Variants in FASTKD2 observed in about 807,000 individuals in gnomAD.
FASTKD2 encodes FAST kinase domain-containing protein 2, mitochondrial.
In FASTKD2, 51 loss-of-function variants were observed where a neutral mutation model predicts 63.6. The ratio of observed to expected loss-of-function variants is 0.80; its 90% confidence interval spans 0.64 to 1.01. The LOEUF is 1.01. Ranked by LOEUF, FASTKD2 falls within the 50% of genes least tolerant of loss-of-function variation. The pLI is 0.00. For missense variants in FASTKD2, 786 were observed against 831.1 expected, an observed-to-expected ratio of 0.95 and a Z score of 0.67; for synonymous variants, 284 against 293.4, an observed-to-expected ratio of 0.97 and a Z score of 0.33.
intron 7 of FASTKD2, among the ~76,000 whole-genome samples, chr2:206,776,173 C>T (rs536257642): frequency 7.9e-5 from 12 of 151,182 alleles, no homozygotes; most frequent in African/African-American, 2.7e-4. Context: ...AAAAAGCAAT[C>T]CTGACAAGAA....
intron 7 of FASTKD2, among the ~76,000 whole-genome samples, chr2:206,779,761 A>T (rs1286095073): frequency 6.6e-6 from 1 of 152,202 alleles, no homozygotes; most frequent in East Asian, 1.9e-4. Context: ...GTAATTATTG[A>T]TAGAGAAGGA....
At chr2:206,782,832 G>A (rs1048482997) in intron 7 of FASTKD2, among the ~76,000 whole-genome samples, 1 of 152,136 alleles carries the variant, frequency 6.6e-6, no homozygotes, top group Non-Finnish European at 1.5e-5. Flanking sequence ...AGAATTAAAT[G>A]AGTTAATCTA....
intron 1 of FASTKD2, among the ~76,000 whole-genome samples, chr2:206,766,108 A>G (rs1458492891): frequency 4.0e-5 from 6 of 151,684 alleles, no homozygotes; most frequent in Non-Finnish European, 7.4e-5. Context: ...AAAAATACAA[A>G]AATTAGCCGG....
intron 6 of FASTKD2, among the ~76,000 whole-genome samples, 193 bp downstream of exon 6, chr2:206,772,513 A>G (rs1261070010): frequency 6.6e-6 from 1 of 152,246 alleles, no homozygotes; most frequent in African/African-American, 2.4e-5. Flanking sequence ...ATAGTCCCCA[A>G]CTTAGGATGG....
At chr2:206,785,907 TCA>T (rs1333250477) in intron 7 of FASTKD2, among the ~76,000 whole-genome samples, 3 of 152,288 alleles carry the variant, frequency 2.0e-5, no homozygotes, top group African/African-American at 4.8e-5. Context: ...TACCTTCATC[TCA>T]CCAGTTATTC....
intron 7 of FASTKD2, among the ~76,000 whole-genome samples, chr2:206,781,012 T>G (rs915330414): frequency 6.6e-6 from 1 of 152,186 alleles, no homozygotes; most frequent in Non-Finnish European, 1.5e-5. Context: ...ATATATCATT[T>G]TCCTAATTTC....
chr2:206,765,706 C>T lies in FASTKD2; in HGVS notation c.-92C>T, dbSNP rs998424298. 5.4e-6 allele frequency: 1 copy of T among 184,156 alleles called. No individual in the cohort carries two copies. Among genetic ancestry groups the T allele is most frequent in the African/African-American group, 2.4e-5 (1 of 42,056 alleles). 11.4% of individuals were successfully genotyped at this position (184,156 alleles called of 1,614,324 possible). A position where few individuals can be genotyped will look rare whatever the true frequency, so the allele number is the denominator to read the frequency against. On this transcript the variant is annotated 5_prime_UTR_variant, in exon 1 of 12. Coordinates refer to ENST00000402774, the MANE Select transcript of FASTKD2 (RefSeq NM_001136193.2). ...GCGGCAGCCCGTATCACATCCTAGA[C>T]TTTTTACTTCGAGGAGAAGAGTCTC...
intron 7 of FASTKD2, among the ~76,000 whole-genome samples, chr2:206,778,883 C>G (rs1020323709): frequency 6.6e-6 from 1 of 152,064 alleles, no homozygotes; most frequent in Non-Finnish European, 1.5e-5. Flanking sequence ...GAATCTAATG[C>G]CTTATGAAAC....
At chr2:206,783,315 C>G (rs1422574248) in intron 7 of FASTKD2, 1 of 151,582 alleles carries the variant, frequency 6.6e-6, no homozygotes, top group Non-Finnish European at 1.5e-5. Flanking sequence ...CAAGTTGTGT[C>G]ACATCATTTG....
chr2:206,769,927 CTT>C (rs1291778781), intron 2 of FASTKD2, among the ~76,000 whole-genome samples, 162 bp from the exon 3 acceptor site: 1 of 152,138 alleles, frequency 6.6e-6, no homozygotes, highest in African/African-American at 2.4e-5. Context: ...GTAAGTATGA[CTT>C]TTTATTTCCC....
At position 206,771,206 on chromosome 2, in the gene FASTKD2, G is replaced by A. The variant is rs751316870; in HGVS notation, c.906G>A (p.Trp302Ter). ...GFRILVDQQV[W>*]KIEDVFTLQV... ...GAATACTAGTTGATCAGCAAGTTTG[G>A]AAAATAGAAGATGTCTTCACATTAC... The change falls in exon 4 of 12, where the codon TGG (tryptophan) becomes TGA (stop). Residue 302 changes from tryptophan to a stop codon, truncating the protein, a stop_gained. Transcript: ENST00000402774. LOFTEE classifies it high-confidence loss of function. The A allele has an allele frequency of 1.1e-5, 18 of 1,604,588 alleles. No individual in the cohort carries two copies. The highest frequency in any genetic ancestry group is 1.5e-5 in the Non-Finnish European group (17 of 1,171,674).
rs1306501129 is a variant in FASTKD2, at chr2:206,765,695, C to T, written c.-103C>T. On this transcript the variant is annotated 5_prime_UTR_variant, in exon 1 of 12. Transcript: ENST00000402774. ...GCTTGGGCTTAGCGGCAGCCCGTAT[C>T]ACATCCTAGACTTTTTACTTCGAGG... The T allele has an allele frequency of 4.8e-6, 1 of 207,328 alleles. No homozygotes were observed. The highest frequency in any genetic ancestry group is 1.7e-4 in the East Asian group (1 of 5,766). The allele number at this position is 207,328 out of a possible 1,614,324, so 12.8% of individuals were successfully genotyped here.
In FASTKD2 at chr2:206,767,464, G is replaced by A. The variant is rs766953567; in HGVS notation, c.771G>A (p.Val257=). ...TTTTGGTGCAGACTTTGCTGAGGGTGACCCAGGTAAAATAAAAAGGAGATT... is the reference window on the plus strand; with the variant it reads ...TTTTGGTGCAGACTTTGCTGAGGGTAACCCAGGTAAAATAAAAAGGAGATT... The part of the protein sequence containing the change: ...NTILVQTLLR[V]TQERINECDE... Residue 257 remains valine, a synonymous_variant, in exon 2 of 12, where the codon GTG becomes GTA. Transcript: ENST00000402774. 6.2e-7 allele frequency: 1 copy of A among 1,609,002 alleles called. No individual in the cohort carries two copies.
At chr2:206,779,390 T>C (rs1689908488) in intron 7 of FASTKD2, among the ~76,000 whole-genome samples, 1 of 152,202 alleles carries the variant, frequency 6.6e-6, no homozygotes, top group Admixed American at 6.5e-5. Context: ...CACGTTGCTA[T>C]ACTACCTAAG....
chr2:206,774,341 A>G lies in FASTKD2; in HGVS notation c.1371A>G (p.Leu457=), dbSNP rs781255555. Residue 457 remains leucine, a synonymous_variant, in exon 7 of 12, where the codon CTA becomes CTG. Coordinates refer to ENST00000402774, the MANE Select transcript of FASTKD2 (RefSeq NM_001136193.2). The stretch of plus-strand genomic sequence containing the variant: ...AATCCCTAAACATGAAAAACATTCT[A>G]TCTATTCTTCATACTTACTCTTCTC... The part of the protein sequence containing the change: ...DPESLNMKNI[L]SILHTYSSLN... 28 of 1,602,186 alleles carry G rather than the reference A, an allele frequency of 1.7e-5. No homozygotes were observed. The highest frequency in any genetic ancestry group is 5.0e-5 in the Admixed American group (3 of 59,978).
Position 206,792,499 on chromosome 2 carries a change from G to A in FASTKD2, c.*697G>A, listed in dbSNP as rs1356537706. ...TAAATTAAATATATAGCTGAATTGTGTTGTGAATCAGACCTGAGGACTATT... is the reference window on the plus strand; with the variant it reads ...TAAATTAAATATATAGCTGAATTGTATTGTGAATCAGACCTGAGGACTATT... On this transcript the variant is annotated 3_prime_UTR_variant, in exon 12 of 12. Transcript: ENST00000402774. 1 of 152,204 alleles carries A rather than the reference G, an allele frequency of 6.6e-6. No individual in the cohort carries two copies. Among genetic ancestry groups the A allele is most frequent in the Admixed American group, 6.5e-5 (1 of 15,290 alleles). 9.4% of individuals were successfully genotyped at this position (152,204 alleles called of 1,614,324 possible). A position where few individuals can be genotyped will look rare whatever the true frequency, so the allele number is the denominator to read the frequency against.
In FASTKD2 at chr2:206,782,049, C is replaced by T. The variant is rs1690000987; in HGVS notation, c.1428-4684C>T. Among the ~76,000 whole-genome samples, 4 of 152,152 alleles carry T rather than the reference C, an allele frequency of 2.6e-5. No homozygotes were observed. In the South Asian group the frequency reaches 6.2e-4, roughly 24 times the overall value. ...TGCTGAGTGCAGGAAGCTGTCCACC[C>T]CTTTTCCTTTGTTCTTAACTGCTCT... On this transcript the variant is annotated intron_variant, in intron 7 of 11. Coordinates refer to ENST00000402774, the MANE Select transcript of FASTKD2 (RefSeq NM_001136193.2).
chr2:206,795,223 C>G lies in FASTKD2; in HGVS notation c.*3421C>G, dbSNP rs1227433359. Among the ~76,000 whole-genome samples the G allele has an allele frequency of 6.6e-6, 1 of 152,176 alleles. No homozygotes were observed. Among genetic ancestry groups the G allele is most frequent in the Non-Finnish European group, 1.5e-5 (1 of 68,022 alleles). On this transcript the variant is annotated 3_prime_UTR_variant, in exon 12 of 12. Transcript: ENST00000402774. ...AGGAGGGCAGTGGCTGCCCAGAAGGCAGGAGATGGCTATCTCTTTTTTTTT... is the reference window on the plus strand; with the variant it reads ...AGGAGGGCAGTGGCTGCCCAGAAGGGAGGAGATGGCTATCTCTTTTTTTTT...
At chr2:206,788,748 A>AT in intron 9 of FASTKD2, 71 bp from the exon 10 acceptor site, 11 of 771,884 alleles carry the variant, frequency 1.4e-5, no homozygotes, top group Non-Finnish European at 2.2e-5. Context: ...AAAAAAAAAA[A>AT]GGAAAAGAAA....
Sources: gnomAD v4.1 joint callset for allele counts (sites outside exome capture counted in the v4.1 genomes callset) on GRCh38, gnomAD v4.1.1 for gene constraint, MANE v1.5 for transcripts, NCBI Gene and HGNC (gene_info 2026-07-23, HGNC 2026-07-21) for gene names.